NEBL: variants seen among roughly 807,000 people sequenced by gnomAD.
NEBL encodes the protein nebulette.
NEBL carries 122 observed loss-of-function variants against 140.2 expected under a neutral mutation model. That is an observed-to-expected ratio of 0.87 (90% CI 0.75 to 1.01). The LOEUF is 1.01. Among genes scored for constraint, NEBL ranks in the 50% least tolerant of loss-of-function variants. NEBL has a pLI of 0.00. For synonymous variants in NEBL, 436 were observed against 398.9 expected (o/e 1.09, Z -1.11); for missense variants, 1,365 against 1,231.3 (o/e 1.11, Z -1.62).
chr10:21,253,540 CTTTTTTTT>C, intron 1 of NEBL, among the ~76,000 whole-genome samples: 1 of 110,698 alleles, frequency 9.0e-6, no homozygotes, highest in African/African-American at 3.7e-5. Flanking sequence ...TTTTAAACCT[CTTTTTTTT>C]TTTTTTTTTT....
intron 2 of NEBL, among the ~76,000 whole-genome samples, chr10:21,092,051 C>T (rs568610339): frequency 2.6e-5 from 4 of 152,314 alleles, no homozygotes; most frequent in South Asian, 4.1e-4. Flanking sequence ...TTAGTTATGT[C>T]GTATCTTACA....
intron 2 of NEBL, among the ~76,000 whole-genome samples, chr10:21,043,916 G>A (rs1392358249): frequency 1.3e-5 from 2 of 152,096 alleles, no homozygotes; most frequent in African/African-American, 2.4e-5. Flanking sequence ...AAAATGAGTG[G>A]AGAGATCCTA....
At chr10:20,797,944 C>CA (rs1466945522) in intron 26 of NEBL, among the ~76,000 whole-genome samples, 2 of 151,436 alleles carry the variant, frequency 1.3e-5, no homozygotes, top group African/African-American at 2.4e-5. Flanking sequence ...CGCAAAAAAA[C>CA]AAAAAAATAC....
intron 3 of NEBL, among the ~76,000 whole-genome samples, chr10:21,227,746 T>TCTC (rs1402805454): frequency 6.7e-6 from 1 of 149,158 alleles, no homozygotes; most frequent in Non-Finnish European, 1.5e-5. Context: ...TTCTTCTTCT[T>TCTC]CTTCTTCTTC....
At chr10:20,888,508 G>T (rs2131363458) in intron 3 of NEBL, among the ~76,000 whole-genome samples, 1 of 152,328 alleles carries the variant, frequency 6.6e-6, no homozygotes, top group African/African-American at 2.4e-5. Flanking sequence ...TTTCATGCTG[G>T]ATGAGTGAGC....
intron 26 of NEBL, among the ~76,000 whole-genome samples, chr10:20,807,921 G>A (rs1837752649): frequency 6.6e-6 from 1 of 150,700 alleles, no homozygotes; most frequent in Non-Finnish European, 1.5e-5. Context: ...GAAGATACAG[G>A]AAAAGAGTGG....
chr10:21,288,485 C>G (rs1015592670), intron 1 of NEBL, among the ~76,000 whole-genome samples: 1 of 144,204 alleles, frequency 6.9e-6, no homozygotes, highest in Non-Finnish European at 1.5e-5. Context: ...AGAAAAAGCC[C>G]GACGCGGTGG....
intron 3 of NEBL, among the ~76,000 whole-genome samples, chr10:20,991,338 G>A (rs1837446556): frequency 6.6e-6 from 1 of 151,908 alleles, no homozygotes; most frequent in Non-Finnish European, 1.5e-5. Context: ...TCTAAAGTTT[G>A]AAAATTTTTA....
rs1227801535 is a variant in NEBL at position 20,809,797 on chromosome 10, G to A, written c.2611+9C>T. 6.3e-7 allele frequency: 1 copy of A among 1,583,460 alleles called. No homozygotes were observed. The highest frequency in any genetic ancestry group is 8.7e-7 in the Non-Finnish European group (1 of 1,152,258). ...ACATAAATGGGATGAACTAAAAAGTGAGTAATACCAGAGAGCATATGGAGA... is the reference window on the plus strand; with the variant it reads ...ACATAAATGGGATGAACTAAAAAGTAAGTAATACCAGAGAGCATATGGAGA... On this transcript the variant is annotated intron_variant, in intron 25 of 27. Transcript: ENST00000377122.
chr10:20,936,095 T>C (rs1437988412), intron 4 of NEBL, among the ~76,000 whole-genome samples: 1 of 152,200 alleles, frequency 6.6e-6, no homozygotes, highest in East Asian at 1.9e-4. Flanking sequence ...ATTAAAGCAT[T>C]TCCATGCCAA....
chr10:21,252,791 A>T (rs959138180), intron 1 of NEBL, among the ~76,000 whole-genome samples: 1 of 152,180 alleles, frequency 6.6e-6, no homozygotes, highest in Non-Finnish European at 1.5e-5. Context: ...CCCTGTCTCT[A>T]CTAAAAATAC....
chr10:20,998,434 A>G (rs938414452), intron 3 of NEBL, among the ~76,000 whole-genome samples: 1 of 152,176 alleles, frequency 6.6e-6, no homozygotes, highest in Non-Finnish European at 1.5e-5. Context: ...ATTGTTTCCA[A>G]TAACTCATTC....
intron 5 of NEBL, among the ~76,000 whole-genome samples, chr10:20,872,478 G>T (rs1845046757): frequency 1.3e-5 from 2 of 152,066 alleles, no homozygotes; most frequent in African/African-American, 2.4e-5. Flanking sequence ...GAATATATAT[G>T]GAATGGCAAC....
At chr10:21,084,233 GT>G (rs1282129964) in intron 2 of NEBL, among the ~76,000 whole-genome samples, 1 of 152,234 alleles carries the variant, frequency 6.6e-6, no homozygotes, top group Non-Finnish European at 1.5e-5. Context: ...GTCACAGTGT[GT>G]GGTTTATGCG....
chr10:21,060,581 G>T (rs1040372005), intron 2 of NEBL, among the ~76,000 whole-genome samples: 1 of 151,798 alleles, frequency 6.6e-6, no homozygotes, highest in Non-Finnish European at 1.5e-5. Context: ...ATTTTAAAAT[G>T]GTTTTATTTA....
intron 2 of NEBL, chr10:21,029,397 A>G: frequency 6.2e-7 from 1 of 1,611,570 alleles, no homozygotes; most frequent in Non-Finnish European, 8.5e-7. Context: ...CCAGCAATCC[A>G]GAGAGGTTGA....
intron 26 of NEBL, among the ~76,000 whole-genome samples, chr10:20,796,103 C>A (rs1389511914): frequency 6.6e-6 from 1 of 152,108 alleles, no homozygotes; most frequent in Non-Finnish European, 1.5e-5. Flanking sequence ...GTGGCTCATG[C>A]CTCCAATCCC....
At chr10:21,271,911 C>A (rs1444147192) in intron 1 of NEBL, among the ~76,000 whole-genome samples, 1 of 152,004 alleles carries the variant, frequency 6.6e-6, no homozygotes, top group East Asian at 1.9e-4. Context: ...GTAATCACTT[C>A]ATAGTGCATA....
chr10:21,064,730 T>C (rs140995058), intron 2 of NEBL, among the ~76,000 whole-genome samples: 303 of 152,278 alleles, frequency 2.0e-3, no homozygotes, highest in African/African-American at 6.3e-3. Context: ...TAGATGTCCA[T>C]AATTAGAAAT....
Sources: gnomAD v4.1 joint callset for allele counts (sites outside exome capture counted in the v4.1 genomes callset) on GRCh38, gnomAD v4.1.1 for gene constraint, MANE v1.5 for transcripts, NCBI Gene and HGNC (gene_info 2026-07-23, HGNC 2026-07-21) for gene names.